CYFIP2: variants seen among roughly 807,000 people sequenced by gnomAD.
CYFIP2 encodes the protein cytoplasmic FMR1-interacting protein 2.
A neutral mutation model predicts 158.7 loss-of-function variants in CYFIP2; 29 were observed. That is an observed-to-expected ratio of 0.18 (90% CI 0.14 to 0.25). The LOEUF (loss-of-function observed/expected upper bound fraction) is 0.25, where lower values mean the gene tolerates loss of function less well. CYFIP2 is among the 10% of genes least tolerant of loss of function. CYFIP2 has a pLI of 1.00. For missense variants in CYFIP2, 852 were observed against 1,639.5 expected, an observed-to-expected ratio of 0.52 and a Z score of 8.29; for synonymous variants, 585 against 617.6, an observed-to-expected ratio of 0.95 and a Z score of 0.78.
rs1013801070 is a variant in CYFIP2, at chr5:157,311,985, C to T, written c.1110+204C>T. Among the ~76,000 whole-genome samples the T allele has an allele frequency of 1.2e-4, 19 of 152,166 alleles. No homozygotes were observed. Among genetic ancestry groups the T allele is most frequent in the African/African-American group, 4.6e-4 (19 of 41,426 alleles). On this transcript the variant is annotated intron_variant, in intron 11 of 30. Transcript: ENST00000620254. The surrounding 1 kb of genome is among the most constrained non-coding windows in gnomAD (Gnocchi z 4.7). The stretch of plus-strand genomic sequence containing the variant: ...GTGCTGCTGCCCTTTGTAAGTTATT[C>T]AACATCTCTTTGCTTCAATTTCCTC...
chr5:157,267,282 C>A lies in CYFIP2; in HGVS notation c.-24+1087C>A, dbSNP rs144834450. On this transcript the variant is annotated intron_variant, in intron 1 of 30. Coordinates refer to ENST00000620254, the MANE Select transcript of CYFIP2 (RefSeq NM_001037333.3). ...TGTGCCCTCAGCATGGGCAGGGAGA[C>A]GGAGGCAGGCCTGCTGGCAGGAGGG... 2.9e-3 allele frequency among the ~76,000 whole-genome samples: 448 copies of A among 152,328 alleles called. 2 individuals are homozygous for A. The highest frequency in any genetic ancestry group is 2.6e-3 in the Non-Finnish European group (174 of 68,024).
chr5:157,269,822 T>A (rs757620280), intron 1 of CYFIP2, among the ~76,000 whole-genome samples: 12 of 152,222 alleles, frequency 7.9e-5, no homozygotes, highest in Non-Finnish European at 1.5e-4. Flanking sequence ...GATGGCCTTG[T>A]CTGTACAAAG....
chr5:157,322,921 T>C, intron 15 of CYFIP2: 1 of 1,533,620 alleles, frequency 6.5e-7, no homozygotes, highest in Non-Finnish European at 8.7e-7. Context: ...CCCTCTTCCT[T>C]CTCTCCTATC....
chr5:157,357,542 T>G (rs1464487121), intron 23 of CYFIP2, among the ~76,000 whole-genome samples: 2 of 152,198 alleles, frequency 1.3e-5, no homozygotes, highest in East Asian at 3.9e-4. Context: ...CAGAACTAAG[T>G]TTTGGGCTGG....
At chr5:157,340,897 G>A in intron 22 of CYFIP2, among the ~76,000 whole-genome samples, 173 bp from the exon 23 acceptor site, 1 of 152,178 alleles carries the variant, frequency 6.6e-6, no homozygotes, top group East Asian at 1.9e-4. Context: ...GACGGCAGTT[G>A]AATGGGAAGA....
Position 157,390,650 on chromosome 5 carries a change from T to G in CYFIP2, c.3576T>G (p.Asp1192Glu). ...LLKVQRQDGK[D>E]EIIKNVPLKK... ...AAGTGCAGAGGCAGGACGGGAAGGA[T>G]GAAATCATTAAGAATGTGGTGAGCA... is the stretch of plus-strand genomic sequence containing the variant. The change falls in exon 30 of 31, where the codon GAT (aspartate) becomes GAG (glutamate). Residue 1192 changes from aspartate to glutamate, a missense_variant. This residue lies in a region of CYFIP2 where 223 missense variants were observed against 381.6 expected (regional missense o/e 0.58). Coordinates refer to ENST00000620254, the MANE Select transcript of CYFIP2 (RefSeq NM_001037333.3). 1 of 1,587,796 alleles carries G rather than the reference T, an allele frequency of 6.3e-7. No homozygotes were observed. Among genetic ancestry groups the G allele is most frequent in the Non-Finnish European group, 8.6e-7 (1 of 1,166,934 alleles).
intron 23 of CYFIP2, among the ~76,000 whole-genome samples, chr5:157,355,321 C>G (rs958386088): frequency 6.6e-6 from 1 of 152,132 alleles, no homozygotes. Context: ...GAAATTCGAC[C>G]AGAAAGCTGT....
chr5:157,329,811 T>A (rs367803422), intron 19 of CYFIP2, among the ~76,000 whole-genome samples: 4 of 152,330 alleles, frequency 2.6e-5, no homozygotes, highest in African/African-American at 9.6e-5. Context: ...GGCTACTACT[T>A]TGGACAGTGT....
rs1472842973 is a variant in CYFIP2, at chr5:157,393,323, T to TG, written c.*325dup. ...TCCATCCCATCATCCCACCTATCTGTGGTTGCTTCCCAAGACCTCCTCCCA... is the reference window on the plus strand; with the variant it reads ...TCCATCCCATCATCCCACCTATCTGTGGGTTGCTTCCCAAGACCTCCTCCCA... On this transcript the variant is annotated 3_prime_UTR_variant, in exon 31 of 31. Coordinates refer to ENST00000620254, the MANE Select transcript of CYFIP2 (RefSeq NM_001037333.3). 3 of 216,780 alleles carry TG rather than the reference T, an allele frequency of 1.4e-5. No individual in the cohort carries two copies. The highest frequency in any genetic ancestry group is 2.7e-5 in the Non-Finnish European group (3 of 109,896). 13.4% of individuals were successfully genotyped at this position (216,780 alleles called of 1,614,324 possible). A position where few individuals can be genotyped will look rare whatever the true frequency, so the allele number is the denominator to read the frequency against.
At chr5:157,306,172 G>T (rs1759203391) in intron 8 of CYFIP2, among the ~76,000 whole-genome samples, 1 of 152,092 alleles carries the variant, frequency 6.6e-6, no homozygotes, top group Non-Finnish European at 1.5e-5. Context: ...GCTATTCTGA[G>T]AATCCCAGCC....
intron 26 of CYFIP2, chr5:157,365,192 G>A (rs1764249594): frequency 6.6e-6 from 1 of 152,068 alleles, no homozygotes. Context: ...TTTCTTACAA[G>A]GAAAGCACAT....
At chr5:157,284,771 C>G (rs1322252375) in intron 1 of CYFIP2, among the ~76,000 whole-genome samples, 1 of 152,184 alleles carries the variant, frequency 6.6e-6, no homozygotes, top group Non-Finnish European at 1.5e-5. Flanking sequence ...AAGACAGTGG[C>G]TCCTCCATCT....
At position 157,389,258 on chromosome 5, in the gene CYFIP2, G is replaced by A. The variant is rs778379924; in HGVS notation, c.3277G>A (p.Glu1093Lys). 6.2e-7 allele frequency: 1 copy of A among 1,614,006 alleles called. No homozygotes were observed. Reference sequence around the variant, plus strand: ...GCTGTGCTGTGGCCTGTCCATGTTCGAGGTCATCCTGACCCGCATTCGGAG... The same window carrying A: ...GCTGTGCTGTGGCCTGTCCATGTTCAAGGTCATCCTGACCCGCATTCGGAG... ...ERLCCGLSMF[E>K]VILTRIRSYL... The change falls in exon 29 of 31, where the codon GAG becomes AAG. Residue 1093 changes from glutamate (E) to lysine (K), a missense_variant. Coordinates refer to ENST00000620254, the MANE Select transcript of CYFIP2 (RefSeq NM_001037333.3).
At chr5:157,325,937 T>A in intron 17 of CYFIP2, 1 of 559,694 alleles carries the variant, frequency 1.8e-6, no homozygotes. Flanking sequence ...TGATGTGTTT[T>A]AGTCCCAAAT....
At chr5:157,294,959 G>A (rs1758134396) in intron 4 of CYFIP2, 99 bp downstream of exon 4, 2 of 941,552 alleles carry the variant, frequency 2.1e-6, no homozygotes, top group Admixed American at 2.5e-5. Flanking sequence ...CTTTCCACGT[G>A]GTAGGGAGTA....
At position 157,389,363 on chromosome 5, in the gene CYFIP2, C is replaced by T. The variant is rs376484231; in HGVS notation, c.3382C>T (p.Arg1128Trp). 62 of 1,613,446 alleles carry T rather than the reference C, an allele frequency of 3.8e-5. No individual in the cohort carries two copies. Among genetic ancestry groups the T allele is most frequent in the Non-Finnish European group, 4.8e-5 (57 of 1,179,670 alleles). The change falls in exon 29 of 31, where the codon CGG becomes TGG. Residue 1128 changes from arginine (R) to tryptophan (W), a missense_variant. Around this residue, in one of 8 missense-constraint regions of CYFIP2, gnomAD observed 223 missense variants for 381.6 expected, o/e 0.58. Transcript: ENST00000620254. Reference protein sequence around the residue: ...MHVDECVEFHRLWSAMQFVYC... With the variant: ...MHVDECVEFHWLWSAMQFVYC... ...CGTCGATGAGTGTGTGGAGTTCCAC[C>T]GGCTGTGGAGCGCCATGCAGTTCGT...
At chr5:157,364,878 G>T (rs1255843741) in intron 26 of CYFIP2, 1 of 152,076 alleles carries the variant, frequency 6.6e-6, no homozygotes, top group Admixed American at 6.6e-5. Flanking sequence ...AGGAAAGGCT[G>T]TATAAACTGT....
Position 157,361,264 on chromosome 5 carries a change from A to G in CYFIP2, c.2909-204A>G. 1 of 568,978 alleles carries G rather than the reference A, an allele frequency of 1.8e-6. No homozygotes were observed. The highest frequency in any genetic ancestry group is 3.1e-6 in the Non-Finnish European group (1 of 323,118). The allele number at this position is 568,978 out of a possible 1,614,324, so 35.2% of individuals were successfully genotyped here. A position where few individuals can be genotyped will look rare whatever the true frequency, so the allele number is the denominator to read the frequency against. On this transcript the variant is annotated intron_variant, in intron 25 of 30. Transcript: ENST00000620254. The surrounding 1 kb of genome is among the most constrained non-coding windows in gnomAD (Gnocchi z 4.4). ...ATGTGTGTGCGTGTGTGTGTTCTGA[A>G]AAAGACATGAGCCAGCTACTCGAAC...
chr5:157,375,105 C>T (rs1017729435), intron 26 of CYFIP2, among the ~76,000 whole-genome samples: 1 of 152,170 alleles, frequency 6.6e-6, no homozygotes, highest in African/African-American at 2.4e-5. Context: ...AATCCTCATG[C>T]CTTTGTCCTA....
Sources: allele counts gnomAD v4.1 joint callset (sites outside exome capture counted in the v4.1 genomes callset), GRCh38; gene constraint gnomAD v4.1.1; regional missense constraint gnomAD v4.1.1; non-coding constraint Gnocchi (gnomAD v3.1); transcripts MANE v1.5; gene names NCBI Gene and HGNC (gene_info 2026-07-23, HGNC 2026-07-21).